The following XRCC5 variants were observed in gnomAD, a reference collection of about 807,000 sequenced individuals.
The protein encoded by XRCC5 is DNA repair protein Ku80.
In XRCC5, 12 loss-of-function variants were observed where a neutral mutation model predicts 95.7. The observed-to-expected ratio is 0.13, with a 90% confidence interval of 0.08 to 0.20. XRCC5 has a LOEUF of 0.20. Ranked by LOEUF, XRCC5 falls within the 10% of genes least tolerant of loss-of-function variation. The pLI is 1.00. For synonymous variants in XRCC5, 281 were observed against 290.3 expected, an observed-to-expected ratio of 0.97 and a Z score of 0.33; for missense variants, 595 against 873.9, an observed-to-expected ratio of 0.68 and a Z score of 4.02.
chr2:216,189,969 A>C (rs1297678171), intron 16 of XRCC5, among the ~76,000 whole-genome samples: 109 of 152,248 alleles, frequency 7.2e-4, no homozygotes, highest in Non-Finnish European at 5.3e-4. Context: ...AAAAAGGAAT[A>C]TTTCAACTAT....
intron 14 of XRCC5, among the ~76,000 whole-genome samples, chr2:216,158,270 A>G (rs1688884440): frequency 6.6e-6 from 1 of 152,204 alleles, no homozygotes; most frequent in Non-Finnish European, 1.5e-5. Context: ...GTGCTTTCCT[A>G]AGGAGCAGAC....
intron 16 of XRCC5, among the ~76,000 whole-genome samples, chr2:216,178,501 AC>A (rs3836034): frequency 0.26 from 38,830 of 152,032 alleles, 6,117 homozygotes; most frequent in Non-Finnish European, 0.37. Flanking sequence ...TTTTGGGAGA[AC>A]CCTCCATTCC....
intron 1 of XRCC5, among the ~76,000 whole-genome samples, chr2:216,110,885 A>G (rs1196666458): frequency 6.7e-6 from 1 of 149,196 alleles, no homozygotes; most frequent in African/African-American, 2.6e-5. Context: ...GTGGTTTATT[A>G]GCACGTTTTT....
chr2:216,162,145 A>C (rs1688965279), intron 16 of XRCC5, 97 bp downstream of exon 16: 1 of 1,206,712 alleles, frequency 8.3e-7, no homozygotes, highest in Non-Finnish European at 1.2e-6. Flanking sequence ...GTAACACTTT[A>C]GCATTTTTCT....
At chr2:216,203,273 T>C (rs1367043877) in intron 19 of XRCC5, among the ~76,000 whole-genome samples, 1 of 152,184 alleles carries the variant, frequency 6.6e-6, no homozygotes, top group Admixed American at 6.5e-5. Flanking sequence ...GATTCTCTAT[T>C]TACTGTTTCT....
At chr2:216,174,150 C>CG (rs1689225140) in intron 16 of XRCC5, among the ~76,000 whole-genome samples, 1 of 144,286 alleles carries the variant, frequency 6.9e-6, no homozygotes, top group Non-Finnish European at 1.5e-5. Context: ...TTGTGGGGAG[C>CG]TTTTGTTTTG....
chr2:216,156,692 C>A, intron 14 of XRCC5: 1 of 542,010 alleles, frequency 1.8e-6, no homozygotes. Context: ...CTACCACCTT[C>A]CATGATTTGT....
chr2:216,112,708 C>T (rs887313202), intron 1 of XRCC5, among the ~76,000 whole-genome samples: 2 of 152,208 alleles, frequency 1.3e-5, no homozygotes, highest in Non-Finnish European at 2.9e-5. Context: ...CTCTGGCCTG[C>T]AGGTTGGCAT....
chr2:216,122,008 A>G, intron 5 of XRCC5, 54 bp from the exon 6 acceptor site: 1 of 1,449,604 alleles, frequency 6.9e-7, no homozygotes, highest in South Asian at 1.4e-5. Flanking sequence ...CTCATAGCTG[A>G]TGAGTTACAG....
At position 216,196,234 on chromosome 2, in the gene XRCC5, A is replaced by C. The variant is rs532074644; in HGVS notation, c.2109+1248A>C. On this transcript the variant is annotated intron_variant, in intron 19 of 20. Transcript: ENST00000392132. ...GATTTTTGTTAAAAAAAAAAAAAAA[A>C]CTTGTCATCCCTACTTTCAGGGAGT... is the stretch of plus-strand genomic sequence containing the variant. 4.3e-4 allele frequency among the ~76,000 whole-genome samples: 65 copies of C among 150,160 alleles called. 1 individual carries two copies. In the East Asian group the frequency reaches 9.6e-3, roughly 22 times the overall value.
chr2:216,157,213 T>A (rs1393452428), intron 14 of XRCC5, among the ~76,000 whole-genome samples: 2 of 117,468 alleles, frequency 1.7e-5, no homozygotes, highest in African/African-American at 6.3e-5. Flanking sequence ...AATACAACTA[T>A]TTTCTTTTTT....
rs1574458322 is a variant in XRCC5, at chr2:216,131,073, T to G, written c.1050+86T>G. ...TTGATTGGTCATTTTATTTATAAGGTATATTTATTTCACTTTTAATTTTTC... is the reference window on the plus strand; with the variant it reads ...TTGATTGGTCATTTTATTTATAAGGGATATTTATTTCACTTTTAATTTTTC... On this transcript the variant is annotated intron_variant, in intron 9 of 20. Coordinates refer to ENST00000392132, the MANE Select transcript of XRCC5 (RefSeq NM_021141.4). 3 of 1,425,022 alleles carry G rather than the reference T, an allele frequency of 2.1e-6. No homozygotes were observed. In the African/African-American group the frequency reaches 4.4e-5, roughly 21 times the overall value. 88.3% of individuals were successfully genotyped at this position (1,425,022 alleles called of 1,614,324 possible).
intron 11 of XRCC5, among the ~76,000 whole-genome samples, 162 bp downstream of exon 11, chr2:216,137,387 G>A (rs1361668160): frequency 6.6e-6 from 1 of 152,098 alleles, no homozygotes; most frequent in Non-Finnish European, 1.5e-5. Flanking sequence ...TGTTTCTCTC[G>A]AGAAATGCTG....
intron 14 of XRCC5, among the ~76,000 whole-genome samples, chr2:216,154,656 CAG>C (rs978304241): frequency 1.3e-5 from 2 of 152,184 alleles, no homozygotes; most frequent in Non-Finnish European, 2.9e-5. Flanking sequence ...GTGTGAAAGA[CAG>C]AGAGTGCAGT....
chr2:216,189,366 C>G (rs1199551624), intron 16 of XRCC5, among the ~76,000 whole-genome samples: 1 of 152,208 alleles, frequency 6.6e-6, no homozygotes, highest in African/African-American at 2.4e-5. Context: ...ACCCACATCT[C>G]CCTGATTTGT....
At chr2:216,176,150 A>C (rs1257673810) in intron 16 of XRCC5, 1 of 166,322 alleles carries the variant, frequency 6.0e-6, no homozygotes, top group African/African-American at 2.4e-5. Context: ...ACGGGGTCTC[A>C]CTCTGTTGCC....
intron 16 of XRCC5, 126 bp from the exon 17 acceptor site, chr2:216,190,099 T>C (rs1328526275): frequency 3.1e-6 from 2 of 643,996 alleles, no homozygotes; most frequent in African/African-American, 1.8e-5. Flanking sequence ...AAAAGAAGTA[T>C]GGCAATTGTG....
In XRCC5 at chr2:216,204,361, G is replaced by C. The variant is rs529814000; in HGVS notation, c.2149G>C (p.Ala717Pro). ...AGACAAACCAAGTGGAGACACAGCA[G>C]CTGTATTTGAAGAAGGTGGTGATGT... ...PKDKPSGDTA[A>P]VFEEGGDVDD... The change falls in exon 20 of 21, where the codon GCT (alanine) becomes CCT (proline). Residue 717 changes from alanine to proline, a missense_variant. Ala to Pro is a conservative substitution (Grantham distance 27). Coordinates refer to ENST00000392132, the MANE Select transcript of XRCC5 (RefSeq NM_021141.4). 2.5e-5 allele frequency: 41 copies of C among 1,613,986 alleles called. No homozygotes were observed. In the South Asian group the frequency reaches 4.2e-4, roughly 16 times the overall value.
intron 14 of XRCC5, among the ~76,000 whole-genome samples, chr2:216,159,490 G>A (rs778062704): frequency 1.3e-5 from 2 of 152,126 alleles, no homozygotes; most frequent in African/African-American, 4.8e-5. Flanking sequence ...AAAGTTTTCG[G>A]GGAAGTTTTT....
Sources: gnomAD v4.1 joint callset for allele counts (sites outside exome capture counted in the v4.1 genomes callset) on GRCh38, gnomAD v4.1.1 for gene constraint, MANE v1.5 for transcripts, NCBI Gene and HGNC (gene_info 2026-07-23, HGNC 2026-07-21) for gene names.